The following CALHM1 variants were observed in gnomAD, a reference collection of about 807,000 sequenced individuals.
CALHM1 encodes calcium homeostasis modulator 1, also known as calcium homeostasis modulator protein 1.
CALHM1 carries 11 observed loss-of-function variants against 14.8 expected under a neutral mutation model. The observed-to-expected ratio is 0.74, with a 90% CI of 0.47 to 1.23. CALHM1 has a LOEUF of 1.23. Ranked by LOEUF, CALHM1 falls within the 50% of genes most tolerant of loss-of-function variation. The pLI, the probability that CALHM1 is intolerant of heterozygous loss-of-function variation, is 0.00. For synonymous variants in CALHM1, 215 were observed against 218.9 expected (o/e 0.98, Z 0.16); for missense variants, 458 against 496.4 (o/e 0.92, Z 0.74).
rs756620950 is a variant in CALHM1 at position 103,455,421 on chromosome 10, C to T, written c.882G>A (p.Thr294=). The stretch of plus-strand genomic sequence containing the variant: ...GCAGCCTGTTCATGGTGCCTTGATC[C>T]GTGATGCCACGCAGCTTCTCCCTTT... ...EEEREKLRGI[T]DQGTMNRLLT... The change falls in exon 2 of 2, where the codon ACG becomes ACA. Residue 294 remains threonine, a synonymous_variant. Transcript: ENST00000329905. 20 of 1,614,026 alleles carry T rather than the reference C, an allele frequency of 1.2e-5. No individual in the cohort carries two copies. The highest frequency in any genetic ancestry group is 1.7e-5 in the Admixed American group (1 of 60,030).
At chr10:103,457,419 TAG>T (rs2033162852) in intron 1 of CALHM1, among the ~76,000 whole-genome samples, 1 of 152,206 alleles carries the variant, frequency 6.6e-6, no homozygotes, top group African/African-American at 2.4e-5. Context: ...AGGCCCCTGC[TAG>T]AGTGGGAAGC....
Position 103,458,645 on chromosome 10 carries a change from G to C in CALHM1, c.107C>G (p.Ser36Trp). 6.2e-7 allele frequency: 1 copy of C among 1,614,028 alleles called. No homozygotes were observed. The highest frequency in any genetic ancestry group is 1.1e-5 in the South Asian group (1 of 91,086). The change falls in exon 1 of 2, where the codon TCG becomes TGG. Residue 36 changes from serine (S) to tryptophan (W), a missense_variant. By Grantham distance (177) the Ser-to-Trp change is radical. Transcript: ENST00000329905. This position sits in a 1 kb window ranked among gnomAD's most constrained non-coding sequence, Gnocchi z 4.9. ...GCAGGGGCAGTTGAAGTCGAAGGCC[G>C]AGTACATCTGGGCACTGGCCAGGGC... ...IMALASAQMYSAFDFNCPCLP... is the reference protein window; with the variant it reads ...IMALASAQMYWAFDFNCPCLP...
chr10:103,458,123 TA>T lies in CALHM1; in HGVS notation c.555+73del, dbSNP rs562927483. The T allele has an allele frequency of 1.3e-4, 192 of 1,529,314 alleles. 4 individuals carry two copies. The South Asian group carries it at 2.2e-3, about 17-fold the overall frequency. The allele number at this position is 1,529,314 out of a possible 1,614,324, so 94.7% of individuals were successfully genotyped here. A position where few individuals can be genotyped will look rare whatever the true frequency, so the allele number is the denominator to read the frequency against. ...TGAGCAGAGGCCCCATTTTGAGAGG[TA>T]GGGGGATAGGGCCCTCCCAGAGGGA... On this transcript the variant is annotated intron_variant, in intron 1 of 1. Coordinates refer to ENST00000329905, the MANE Select transcript of CALHM1 (RefSeq NM_001001412.4). The surrounding 1 kb of genome is among the most constrained non-coding windows in gnomAD (Gnocchi z 4.9).
chr10:103,455,717 T>A lies in CALHM1; in HGVS notation c.586A>T (p.Thr196Ser). ...GAGCGCACCACGAATGCCAGCAGAG[T>A]GGTCAGCAGCACGAAGGACCAGCCC... ...ALGWSFVLLTTLLAFVVRSVR... is the reference protein window; with the variant it reads ...ALGWSFVLLTSLLAFVVRSVR... Residue 196 changes from threonine (T) to serine (S), a missense_variant, in exon 2 of 2, where the codon ACT (threonine) becomes TCT (serine). Physicochemically the swap from Thr to Ser is moderately conservative, Grantham distance 58 (BLOSUM62 1). Transcript: ENST00000329905. 3 of 1,612,712 alleles carry A rather than the reference T, an allele frequency of 1.9e-6. No individual in the cohort carries two copies. The highest frequency in any genetic ancestry group is 2.5e-6 in the Non-Finnish European group (3 of 1,179,758).
rs142323115 is a variant in CALHM1, at chr10:103,455,422, G to A, written c.881C>T (p.Thr294Met). 190 of 1,614,026 alleles carry A rather than the reference G, an allele frequency of 1.2e-4. No individual in the cohort carries two copies. Among genetic ancestry groups the A allele is most frequent in the African/African-American group, 1.1e-3 (85 of 75,070 alleles). ...EEEREKLRGI[T>M]DQGTMNRLLT... ...CAGCCTGTTCATGGTGCCTTGATCCGTGATGCCACGCAGCTTCTCCCTTTC... is the reference window on the plus strand; with the variant it reads ...CAGCCTGTTCATGGTGCCTTGATCCATGATGCCACGCAGCTTCTCCCTTTC... Residue 294 changes from threonine (T) to methionine (M), a missense_variant, in exon 2 of 2, where the codon ACG becomes ATG. Coordinates refer to ENST00000329905, the MANE Select transcript of CALHM1 (RefSeq NM_001001412.4).
chr10:103,455,223 G>A lies in CALHM1; in HGVS notation c.*39C>T. Reference sequence around the variant, plus strand: ...GGTTTGGGGGTTGGAGGGGCTGTGGGCTCAGATCCCCGTTCCTGCCTCTTC... The same window carrying A: ...GGTTTGGGGGTTGGAGGGGCTGTGGACTCAGATCCCCGTTCCTGCCTCTTC... On this transcript the variant is annotated 3_prime_UTR_variant, in exon 2 of 2. Transcript: ENST00000329905. 1 of 1,528,346 alleles carries A rather than the reference G, an allele frequency of 6.5e-7. No individual in the cohort carries two copies. The highest frequency in any genetic ancestry group is 1.3e-5 in the South Asian group (1 of 78,856). The allele number at this position is 1,528,346 out of a possible 1,614,324, so 94.7% of individuals were successfully genotyped here. A position where few individuals can be genotyped will look rare whatever the true frequency, so the allele number is the denominator to read the frequency against.
rs1038942435 is a variant in CALHM1 at position 103,454,534 on chromosome 10, G to A, written c.*728C>T. On this transcript the variant is annotated 3_prime_UTR_variant, in exon 2 of 2. Transcript: ENST00000329905. ...TTTCCCCTGGAGACCTGGATGTGAC[G>A]GGGGTATTAAGGTGGTTTTTCAAAG... is the stretch of plus-strand genomic sequence containing the variant. The A allele has an allele frequency of 1.3e-5, 2 of 152,198 alleles. No homozygotes were observed. The highest frequency in any genetic ancestry group is 1.5e-5 in the Non-Finnish European group (1 of 68,036). The allele number at this position is 152,198 out of a possible 1,614,324, so 9.4% of individuals were successfully genotyped here. A position where few individuals can be genotyped will look rare whatever the true frequency, so the allele number is the denominator to read the frequency against.
At position 103,454,155 on chromosome 10, in the gene CALHM1, G is replaced by A. The variant is rs2033110010; in HGVS notation, c.*1107C>T. 1.3e-5 allele frequency: 2 copies of A among 152,236 alleles called. No individual in the cohort carries two copies. The highest frequency in any genetic ancestry group is 6.5e-5 in the Admixed American group (1 of 15,274). The allele number at this position is 152,236 out of a possible 1,614,324, so 9.4% of individuals were successfully genotyped here. A position where few individuals can be genotyped will look rare whatever the true frequency, so the allele number is the denominator to read the frequency against. On this transcript the variant is annotated 3_prime_UTR_variant, in exon 2 of 2. Coordinates refer to ENST00000329905, the MANE Select transcript of CALHM1 (RefSeq NM_001001412.4). ...ACAAATACATTAGCCACCCTGTGCT[G>A]GGTGCCTACTATGTGCCATGTGCTT...
intron 1 of CALHM1, 29 bp from the exon 2 acceptor site, chr10:103,455,776 G>A (rs1564791205): frequency 1.3e-6 from 2 of 1,599,778 alleles, no homozygotes; most frequent in African/African-American, 1.3e-5. Flanking sequence ...GAGTCACGGG[G>A]CACTGTCCTT....
At position 103,458,434 on chromosome 10, in the gene CALHM1, G is replaced by A. The variant is rs376992135; in HGVS notation, c.318C>T (p.Arg106=). The change falls in exon 1 of 2, where the codon CGC becomes CGT. Residue 106 remains arginine (R), a synonymous_variant. Coordinates refer to ENST00000329905, the MANE Select transcript of CALHM1 (RefSeq NM_001001412.4). This position sits in a 1 kb window ranked among gnomAD's most constrained non-coding sequence, Gnocchi z 4.9. ...CCCAGACGACAGGCGCGATGAGGGC[G>A]CGCTGGGCCATGGAGCAGAACATGT... is the stretch of plus-strand genomic sequence containing the variant. ...LRYMFCSMAQ[R]ALIAPVVWVA... 3.6e-5 allele frequency: 58 copies of A among 1,611,646 alleles called. No individual in the cohort carries two copies. The highest frequency in any genetic ancestry group is 6.7e-5 in the African/African-American group (5 of 74,926).
rs1044601005 is a variant in CALHM1, at chr10:103,456,531, G to A, written c.556-784C>T. 1.8e-4 allele frequency among the ~76,000 whole-genome samples: 27 copies of A among 152,362 alleles called. No individual in the cohort carries two copies. The East Asian group carries it at 3.3e-3, about 18-fold the overall frequency. The stretch of plus-strand genomic sequence containing the variant: ...GGGGCAGGATGCTCCCCTGGCCCAC[G>A]CTTCAGGGTTAGGCCCCAGCCGCAC... On this transcript the variant is annotated intron_variant, in intron 1 of 1. Transcript: ENST00000329905.
Position 103,455,141 on chromosome 10 carries a change from G to T in CALHM1, c.*121C>A. 7.3e-7 allele frequency: 1 copy of T among 1,366,358 alleles called. No homozygotes were observed. The highest frequency in any genetic ancestry group is 9.7e-7 in the Non-Finnish European group (1 of 1,032,598). The allele number at this position is 1,366,358 out of a possible 1,614,324, so 84.6% of individuals were successfully genotyped here. On this transcript the variant is annotated 3_prime_UTR_variant, in exon 2 of 2. Coordinates refer to ENST00000329905, the MANE Select transcript of CALHM1 (RefSeq NM_001001412.4). ...CCAATGGGCAGGCGAGTGCTAGGGA[G>T]TGTGGATCTGCCTAGGGGAGTACTG... is the stretch of plus-strand genomic sequence containing the variant.
Position 103,458,124 on chromosome 10 carries a change from A to G in CALHM1, c.555+73T>C. 6.5e-7 allele frequency: 1 copy of G among 1,534,128 alleles called. No individual in the cohort carries two copies. The stretch of plus-strand genomic sequence containing the variant: ...GAGCAGAGGCCCCATTTTGAGAGGT[A>G]GGGGGATAGGGCCCTCCCAGAGGGA... On this transcript the variant is annotated intron_variant, in intron 1 of 1. Transcript: ENST00000329905. This position sits in a 1 kb window ranked among gnomAD's most constrained non-coding sequence, Gnocchi z 4.9.
At position 103,458,267 on chromosome 10, in the gene CALHM1, G is replaced by A. The variant is rs776886734; in HGVS notation, c.485C>T (p.Pro162Leu). Residue 162 changes from proline to leucine, a missense_variant, in exon 1 of 2, where the codon CCT becomes CTT. By Grantham distance (98) the Pro-to-Leu change is moderately conservative. Coordinates refer to ENST00000329905, the MANE Select transcript of CALHM1 (RefSeq NM_001001412.4). This position sits in a 1 kb window ranked among gnomAD's most constrained non-coding sequence, Gnocchi z 4.9. Reference sequence around the variant, plus strand: ...CAGCCAGTCGCCATCGTAGATCTCAGGGCAGGGCACCCGGGCCAGCAGGCG... The same window carrying A: ...CAGCCAGTCGCCATCGTAGATCTCAAGGCAGGGCACCCGGGCCAGCAGGCG... ...LARLLARVPCPEIYDGDWLLA... is the reference protein window; with the variant it reads ...LARLLARVPCLEIYDGDWLLA... The A allele has an allele frequency of 1.2e-4, 188 of 1,612,846 alleles. No homozygotes were observed. Among genetic ancestry groups the A allele is most frequent in the Middle Eastern group, 6.6e-4 (4 of 6,084 alleles).
rs766519044 is a variant in CALHM1, at chr10:103,455,531, G to A, written c.772C>T (p.Leu258=). The change falls in exon 2 of 2, where the codon CTG becomes TTG. Residue 258 remains leucine (L), a synonymous_variant. Coordinates refer to ENST00000329905, the MANE Select transcript of CALHM1 (RefSeq NM_001001412.4). ...GTCCCGTGGGTGTGACCCAGCTCCA[G>A]GTCATGGTTCATGGCCTCGAAGAAC... ...QQFFEAMNHD[L]ELGHTHGTLA... 3 of 1,613,854 alleles carry A rather than the reference G, an allele frequency of 1.9e-6. No homozygotes were observed. The highest frequency in any genetic ancestry group is 2.5e-6 in the Non-Finnish European group (3 of 1,179,968).
At position 103,458,330 on chromosome 10, in the gene CALHM1, C is replaced by G; in HGVS notation, c.422G>C (p.Gly141Ala). ...TAVPVSALGN[G>A]SLAPGLPAPE... is the part of the protein sequence containing the mutation. ...GGCAGGAAGGCCGGGTGCCAGGCTG[C>G]CGTTGCCCAGTGCGCTCACGGGCAC... Residue 141 changes from glycine to alanine, a missense_variant, in exon 1 of 2, where the codon GGC becomes GCC. Coordinates refer to ENST00000329905, the MANE Select transcript of CALHM1 (RefSeq NM_001001412.4). The surrounding 1 kb of genome is among the most constrained non-coding windows in gnomAD (Gnocchi z 4.9). The G allele has an allele frequency of 1.2e-6, 2 of 1,610,946 alleles. No homozygotes were observed. The highest frequency in any genetic ancestry group is 1.7e-6 in the Non-Finnish European group (2 of 1,178,886).
Position 103,455,378 on chromosome 10 carries a change from A to G in CALHM1, c.925T>C (p.Cys309Arg), listed in dbSNP as rs776030934. ...MNRLLTSWHKCKPPLRLGQEE... is the reference protein window; with the variant it reads ...MNRLLTSWHKRKPPLRLGQEE... ...TGGCCCAGCCGCAGAGGCGGTTTGC[A>G]TTTGTGCCAGCTCGTGAGCAGCCTG... The change falls in exon 2 of 2, where the codon TGC (cysteine) becomes CGC (arginine). Residue 309 changes from cysteine to arginine, a missense_variant. By Grantham distance (180) the Cys-to-Arg change is radical (BLOSUM62 -3). Coordinates refer to ENST00000329905, the MANE Select transcript of CALHM1 (RefSeq NM_001001412.4). 5 of 1,613,892 alleles carry G rather than the reference A, an allele frequency of 3.1e-6. No individual in the cohort carries two copies. Among genetic ancestry groups the G allele is most frequent in the Non-Finnish European group, 4.2e-6 (5 of 1,180,040 alleles).
chr10:103,457,509 G>A (rs558448512), intron 1 of CALHM1, among the ~76,000 whole-genome samples: 12 of 152,292 alleles, frequency 7.9e-5, no homozygotes, highest in Non-Finnish European at 1.6e-4. Context: ...CCAGCCCCTC[G>A]CCCTGACAGC....
chr10:103,458,192 C>T lies in CALHM1; in HGVS notation c.555+5G>A. On this transcript the variant is annotated splice_donor_5th_base_variant and intron_variant, in intron 1 of 1. Coordinates refer to ENST00000329905, the MANE Select transcript of CALHM1 (RefSeq NM_001001412.4). This position sits in a 1 kb window ranked among gnomAD's most constrained non-coding sequence, Gnocchi z 4.9. ...GACCCAGCGTGAAGCCATGCGGCCC[C>T]TCACCTGGGAGATGCAGCGGAGGTA... The T allele has an allele frequency of 6.2e-7, 1 of 1,612,246 alleles. No homozygotes were observed. The highest frequency in any genetic ancestry group is 8.5e-7 in the Non-Finnish European group (1 of 1,179,684).
Sources: gnomAD v4.1 joint callset for allele counts (sites outside exome capture counted in the v4.1 genomes callset) on GRCh38, gnomAD v4.1.1 for gene constraint, Gnocchi (gnomAD v3.1) non-coding constraint, MANE v1.5 for transcripts, NCBI Gene and HGNC (gene_info 2026-07-23, HGNC 2026-07-21) for gene names.